Variants in FRMD6 observed in about 807,000 individuals in gnomAD.
FRMD6 encodes FERM domain-containing protein 6.
Under a neutral mutation model 73.2 loss-of-function variants are expected in FRMD6, and 37 were observed. The observed-to-expected ratio is 0.51, with a 90% CI of 0.39 to 0.66. FRMD6 has a LOEUF of 0.66. FRMD6 is among the 30% of genes least tolerant of loss of function. The probability of loss-of-function intolerance (pLI) is 0.00; values close to 1 mark genes in which losing one functional copy is unlikely to be tolerated. For synonymous variants in FRMD6, 273 were observed against 282.2 expected (o/e 0.97, Z 0.33); for missense variants, 714 against 780.5 (o/e 0.91, Z 1.02).
chr14:51,568,670 T>C (rs965428724), intron 1 of FRMD6, among the ~76,000 whole-genome samples: 4 of 152,038 alleles, frequency 2.6e-5, no homozygotes, highest in Non-Finnish European at 4.4e-5. Context: ...GAAGGAGAAG[T>C]ATGGAAACAA....
At chr14:51,511,546 G>A (rs964874828) in intron 1 of FRMD6, among the ~76,000 whole-genome samples, 1 of 152,172 alleles carries the variant, frequency 6.6e-6, no homozygotes, top group Admixed American at 6.5e-5. Context: ...GCTCTATTAT[G>A]TCACCATTTT....
chr14:51,632,066 C>T (rs868185453), intron 2 of FRMD6, among the ~76,000 whole-genome samples: 3 of 152,168 alleles, frequency 2.0e-5, no homozygotes, highest in African/African-American at 7.2e-5. Flanking sequence ...GGTGGTTTCC[C>T]TCACACTATT....
rs1013878603 is a variant in FRMD6 at position 51,729,734 on chromosome 14, G to A, written c.*1705G>A. ...GGGAGTCAGTATTATACAACAAATG[G>A]TGAGCTGGAACATGCCCTGTCTGTG... On this transcript the variant is annotated 3_prime_UTR_variant, in exon 14 of 14. Coordinates refer to ENST00000344768, the MANE Select transcript of FRMD6 (RefSeq NM_001267046.2). 2 of 152,744 alleles carry A rather than the reference G, an allele frequency of 1.3e-5. No homozygotes were observed. The highest frequency in any genetic ancestry group is 4.8e-5 in the African/African-American group (2 of 41,572). 9.5% of individuals were successfully genotyped at this position (152,744 alleles called of 1,614,324 possible).
At chr14:51,466,631 ATTG>A in the FRMD6 span, among the ~76,000 whole-genome samples, 3 of 152,182 alleles carry the variant, frequency 2.0e-5, no homozygotes, top group African/African-American at 7.2e-5. Flanking sequence ...CCAGTACAAA[ATTG>A]TTGTTAATAT....
the FRMD6 span, among the ~76,000 whole-genome samples, chr14:51,477,063 A>G: frequency 6.6e-6 from 1 of 152,252 alleles, no homozygotes; most frequent in South Asian, 2.1e-4. Context: ...ACAAAATACT[A>G]GAAACAATGT....
the FRMD6 span, among the ~76,000 whole-genome samples, chr14:51,402,217 G>A: frequency 6.6e-6 from 1 of 152,236 alleles, no homozygotes; most frequent in Non-Finnish European, 1.5e-5. Context: ...GAAGGTTGGG[G>A]AGTTTATTTG....
intron 1 of FRMD6, among the ~76,000 whole-genome samples, chr14:51,681,273 T>C (rs1393339498): frequency 1.3e-5 from 2 of 152,210 alleles, no homozygotes; most frequent in African/African-American, 4.8e-5. Flanking sequence ...AAACACCATT[T>C]ATTTAGATTT....
At chr14:51,535,089 A>G (rs1302339138) in intron 1 of FRMD6, among the ~76,000 whole-genome samples, 1 of 152,212 alleles carries the variant, frequency 6.6e-6, no homozygotes, top group Non-Finnish European at 1.5e-5. Flanking sequence ...CTACAAGGAC[A>G]TTTTGAGCCT....
intron 1 of FRMD6, among the ~76,000 whole-genome samples, chr14:51,493,455 A>G (rs2140176807): frequency 6.6e-6 from 1 of 152,150 alleles, no homozygotes; most frequent in South Asian, 2.1e-4. Flanking sequence ...GTCTCACGAG[A>G]TCTGATGGTT....
At chr14:51,610,844 G>C (rs1013666016) in intron 2 of FRMD6, among the ~76,000 whole-genome samples, 37 of 152,098 alleles carry the variant, frequency 2.4e-4, no homozygotes, top group African/African-American at 8.4e-4. Context: ...TTTTTTCAGT[G>C]GTCAATTGAT....
At chr14:51,675,997 G>A (rs755860134) in intron 1 of FRMD6, among the ~76,000 whole-genome samples, 1 of 152,010 alleles carries the variant, frequency 6.6e-6, no homozygotes, top group Non-Finnish European at 1.5e-5. Context: ...GTTTAATTTA[G>A]TAAATTATTT....
At chr14:51,631,309 T>G (rs558296013) in intron 2 of FRMD6, among the ~76,000 whole-genome samples, 7 of 152,332 alleles carry the variant, frequency 4.6e-5, no homozygotes, top group African/African-American at 1.7e-4. Flanking sequence ...CTTGGAGGAA[T>G]TCTCTCAAAG....
intron 1 of FRMD6, among the ~76,000 whole-genome samples, chr14:51,682,274 C>T (rs1894852646): frequency 6.6e-6 from 1 of 152,148 alleles, no homozygotes; most frequent in Non-Finnish European, 1.5e-5. Context: ...TTTTATCCCC[C>T]ATCTTCTTGG....
chr14:51,405,137 TG>T, the FRMD6 span, among the ~76,000 whole-genome samples: 1 of 152,202 alleles, frequency 6.6e-6, no homozygotes, highest in Admixed American at 6.5e-5. Flanking sequence ...TAGTATTCCA[TG>T]GTATATATAT....
intron 6 of FRMD6, among the ~76,000 whole-genome samples, chr14:51,705,227 T>C (rs1454809203): frequency 6.6e-6 from 1 of 152,074 alleles, no homozygotes. Flanking sequence ...TTGCCTACTC[T>C]TACCGAAGCA....
chr14:51,411,935 C>T, the FRMD6 span, among the ~76,000 whole-genome samples: 3 of 152,142 alleles, frequency 2.0e-5, no homozygotes, highest in Non-Finnish European at 2.9e-5. Context: ...GAAGGTATAA[C>T]ATTTTAAATT....
the FRMD6 span, among the ~76,000 whole-genome samples, chr14:51,402,495 C>G: frequency 1.3e-5 from 2 of 152,156 alleles, no homozygotes; most frequent in Non-Finnish European, 2.9e-5. Flanking sequence ...CCTCTCTTTG[C>G]CTGCTGCCAT....
At chr14:51,600,311 C>A (rs1889968807) in intron 2 of FRMD6, among the ~76,000 whole-genome samples, 1 of 152,032 alleles carries the variant, frequency 6.6e-6, no homozygotes, top group African/African-American at 2.4e-5. Flanking sequence ...CAGAAAAGCA[C>A]CAGTAATTGG....
chr14:51,543,216 T>C (rs893774864), intron 1 of FRMD6, among the ~76,000 whole-genome samples: 2 of 151,968 alleles, frequency 1.3e-5, no homozygotes, highest in African/African-American at 4.8e-5. Flanking sequence ...CAAGATCCTA[T>C]CTGTTGAGGA....
Sources: gnomAD v4.1 joint callset for allele counts (sites outside exome capture counted in the v4.1 genomes callset) on GRCh38, gnomAD v4.1.1 for gene constraint, MANE v1.5 for transcripts, NCBI Gene and HGNC (gene_info 2026-07-23, HGNC 2026-07-21) for gene names.